DIP2A: variants seen among roughly 807,000 people sequenced by gnomAD.
DIP2A encodes the protein DIP2 acetate--CoA ligase A.
Under a neutral mutation model 177.4 loss-of-function variants are expected in DIP2A, and 85 were observed. The observed-to-expected ratio is 0.48, with a 90% confidence interval of 0.40 to 0.57. The LOEUF is 0.57. DIP2A is among the 20% of genes least tolerant of loss of function. The probability of loss-of-function intolerance (pLI) is 0.00; values close to 1 mark genes in which losing one functional copy is unlikely to be tolerated. For synonymous variants in DIP2A, 886 were observed against 881.8 expected (o/e 1.00, Z -0.08); for missense variants, 1,791 against 2,100.2 (o/e 0.85, Z 2.88).
intron 8 of DIP2A, among the ~76,000 whole-genome samples, chr21:46,516,067 C>T (rs955901795): frequency 6.6e-6 from 1 of 152,096 alleles, no homozygotes; most frequent in African/African-American, 2.4e-5. Flanking sequence ...TGTTTATAGG[C>T]TTTTGAGAAG....
intron 3 of DIP2A, among the ~76,000 whole-genome samples, chr21:46,494,834 C>T (rs1353401422): frequency 1.3e-5 from 2 of 152,092 alleles, no homozygotes; most frequent in Non-Finnish European, 2.9e-5. Flanking sequence ...CAAATTGGCT[C>T]GAGTTGTTTG....
At chr21:46,477,570 T>TGTGTGTGTGTGTGTG (rs1180881454) in intron 1 of DIP2A, among the ~76,000 whole-genome samples, 20 of 128,018 alleles carry the variant, frequency 1.6e-4, no homozygotes, top group South Asian at 5.1e-4. Flanking sequence ...TGTGTGTGTA[T>TGTGTGTGTGTGTGTG]TTCTTTTTTT....
In DIP2A at chr21:46,565,897, T is replaced by G. The variant is rs1282306335; in HGVS notation, c.4339+10T>G. The G allele has an allele frequency of 6.2e-7, 1 of 1,613,610 alleles. No homozygotes were observed. ...ACTGATGCCAGTGGAGGTGAGGGGT[T>G]GTGGTGAAGCCCTGCGTGAGTGCTG... On this transcript the variant is annotated intron_variant, in intron 36 of 37. Transcript: ENST00000417564.
At chr21:46,488,384 G>C (rs1254734531) in intron 2 of DIP2A, among the ~76,000 whole-genome samples, 2 of 152,192 alleles carry the variant, frequency 1.3e-5, no homozygotes, top group Non-Finnish European at 2.9e-5. Flanking sequence ...AAGATGGACA[G>C]GTGCGATAGG....
At chr21:46,521,351 G>C (rs1239209760) in intron 8 of DIP2A, among the ~76,000 whole-genome samples, 1 of 152,060 alleles carries the variant, frequency 6.6e-6, no homozygotes, top group East Asian at 1.9e-4. Context: ...ACCATGCCTG[G>C]CTAATTTTTG....
intron 1 of DIP2A, among the ~76,000 whole-genome samples, chr21:46,461,122 ACT>A (rs1189986666): frequency 2.6e-5 from 4 of 151,158 alleles, no homozygotes; most frequent in Non-Finnish European, 5.9e-5. Flanking sequence ...ACATAGCAAG[ACT>A]CTGTCTCTAC....
At chr21:46,558,052 G>A (rs770748812) in intron 31 of DIP2A, among the ~76,000 whole-genome samples, 171 bp from the exon 32 acceptor site, 5 of 152,194 alleles carry the variant, frequency 3.3e-5, no homozygotes, top group African/African-American at 9.7e-5. Flanking sequence ...GATGGGAATC[G>A]TTTAGCGCAT....
intron 35 of DIP2A, 92 bp from the exon 36 acceptor site, chr21:46,565,621 G>A (rs2060812127): frequency 1.5e-6 from 2 of 1,314,742 alleles, no homozygotes; most frequent in Non-Finnish European, 2.1e-6. Flanking sequence ...AGTGTTTTCT[G>A]GAGCATTATT....
intron 6 of DIP2A, among the ~76,000 whole-genome samples, chr21:46,505,347 A>T (rs982987384): frequency 4.6e-5 from 7 of 152,126 alleles, no homozygotes; most frequent in Non-Finnish European, 1.0e-4. Context: ...GGTGGCTCAC[A>T]CCTGTAATCC....
intron 8 of DIP2A, among the ~76,000 whole-genome samples, chr21:46,524,936 G>T (rs1395806510): frequency 7.5e-6 from 1 of 134,212 alleles, no homozygotes; most frequent in Non-Finnish European, 1.5e-5. Flanking sequence ...GCACAGGCTG[G>T]AGTGCTGTGG....
chr21:46,557,123 A>G lies in DIP2A; in HGVS notation c.3629+54A>G. ...GGTGGGAGCAGCTCGTGTGGCTCTT[A>G]GGAACCTTGGCCTTCTAAGGCACCT... On this transcript the variant is annotated intron_variant, in intron 30 of 37. Transcript: ENST00000417564. This position sits in a 1 kb window ranked among gnomAD's most constrained non-coding sequence, Gnocchi z 6.0. The G allele has an allele frequency of 1.3e-6, 2 of 1,537,432 alleles. No homozygotes were observed. The highest frequency in any genetic ancestry group is 1.8e-6 in the Non-Finnish European group (2 of 1,136,122).
intron 3 of DIP2A, among the ~76,000 whole-genome samples, chr21:46,495,239 C>CTTCTCTTCT (rs1568967556): frequency 4.3e-5 from 2 of 46,344 alleles, no homozygotes; most frequent in Non-Finnish European, 7.6e-5. Context: ...CTTCTCTTCT[C>CTTCTCTTCT]TTCTTTCTCT....
chr21:46,574,993 A>G (rs150337364), downstream of DIP2A, among the ~76,000 whole-genome samples: 885 of 152,292 alleles, frequency 5.8e-3, 10 homozygotes, highest in African/African-American at 0.02. Context: ...ACTACAGACC[A>G]TGATTCCTTC....
rs1403689047 is a variant in DIP2A at position 46,537,314 on chromosome 21, C to T, written c.1707+26C>T. 1 of 1,613,496 alleles carries T rather than the reference C, an allele frequency of 6.2e-7. No individual in the cohort carries two copies. The highest frequency in any genetic ancestry group is 8.5e-7 in the Non-Finnish European group (1 of 1,179,410). Reference sequence around the variant, plus strand: ...GTGAGTGTTGTTTGCTGATGACTAACTGTTGGAACAAGGGATTGAGATGAA... The same window carrying T: ...GTGAGTGTTGTTTGCTGATGACTAATTGTTGGAACAAGGGATTGAGATGAA... On this transcript the variant is annotated intron_variant, in intron 14 of 37. Transcript: ENST00000417564. The surrounding 1 kb of genome is among the most constrained non-coding windows in gnomAD (Gnocchi z 4.1).
chr21:46,561,678 T>A (rs1161787522), intron 33 of DIP2A, 70 bp from the exon 34 acceptor site: 1 of 1,574,730 alleles, frequency 6.4e-7, no homozygotes, highest in African/African-American at 1.3e-5. Context: ...TCCAACGTCA[T>A]GATCTGCCCT....
intron 23 of DIP2A, among the ~76,000 whole-genome samples, 179 bp downstream of exon 23, chr21:46,550,923 C>A (rs1055172785): frequency 6.6e-6 from 1 of 152,248 alleles, no homozygotes. Context: ...TTCCTGGAAC[C>A]AGCCACGCAT....
chr21:46,478,359 T>A (rs944639925), intron 1 of DIP2A, among the ~76,000 whole-genome samples: 2 of 152,194 alleles, frequency 1.3e-5, no homozygotes, highest in African/African-American at 4.8e-5. Context: ...ATTACAGGCA[T>A]GTGCCACCAT....
chr21:46,474,347 C>T (rs1446955748), intron 1 of DIP2A, among the ~76,000 whole-genome samples: 1 of 152,070 alleles, frequency 6.6e-6, no homozygotes, highest in Non-Finnish European at 1.5e-5. Flanking sequence ...AAGTCATCAG[C>T]ACATAGATAG....
chr21:46,541,015 C>CAA lies in DIP2A; in HGVS notation c.2037-722_2037-721dup, dbSNP rs532906368. 1.9e-3 allele frequency among the ~76,000 whole-genome samples: 135 copies of CAA among 71,910 alleles called. 1 individual carries two copies. The highest frequency in any genetic ancestry group is 4.2e-3 in the African/African-American group (97 of 23,230). The allele number at this position is 71,910 out of a possible 152,430, so 47.2% of individuals were successfully genotyped here. A position where few individuals can be genotyped will look rare whatever the true frequency, so the allele number is the denominator to read the frequency against. On this transcript the variant is annotated intron_variant, in intron 17 of 37. Transcript: ENST00000417564. ...GGGCAACAAGAGTGAAACTCTGTGTCAAAAAAAAAAAAAAAAAAAAGTTAC... is the reference window on the plus strand; with the variant it reads ...GGGCAACAAGAGTGAAACTCTGTGTCAAAAAAAAAAAAAAAAAAAAAAGTTAC...
Sources: allele counts gnomAD v4.1 joint callset (sites outside exome capture counted in the v4.1 genomes callset), GRCh38; gene constraint gnomAD v4.1.1; non-coding constraint Gnocchi (gnomAD v3.1); transcripts MANE v1.5; gene names NCBI Gene and HGNC (gene_info 2026-07-23, HGNC 2026-07-21).